ERBIN: variants seen among roughly 807,000 people sequenced by gnomAD.
ERBIN encodes the protein densin-180-like protein.
ERBIN carries 60 observed loss-of-function variants against 158.4 expected under a neutral mutation model. That is an observed-to-expected ratio of 0.38 (90% confidence interval 0.31 to 0.47). The LOEUF (loss-of-function observed/expected upper bound fraction) is 0.47, where lower values mean the gene tolerates loss of function less well. ERBIN is among the 20% of genes least tolerant of loss of function. ERBIN has a pLI of 0.99. For missense variants in ERBIN, 1,610 were observed against 1,648.0 expected (o/e 0.98, Z 0.40); for synonymous variants, 594 against 557.2 (o/e 1.07, Z -0.93).
At chr5:66,028,888 A>T (rs573074951) in intron 14 of ERBIN, among the ~76,000 whole-genome samples, 1 of 152,114 alleles carries the variant, frequency 6.6e-6, no homozygotes, top group Non-Finnish European at 1.5e-5. Flanking sequence ...AAGTGAAGAC[A>T]TGTGAAGTTT....
intron 1 of ERBIN, among the ~76,000 whole-genome samples, chr5:65,934,717 A>G (rs1334446815): frequency 6.6e-6 from 1 of 152,160 alleles, no homozygotes; most frequent in Non-Finnish European, 1.5e-5. Flanking sequence ...CCCTGTTTGT[A>G]ATTAACTAAT....
intron 1 of ERBIN, among the ~76,000 whole-genome samples, chr5:65,977,718 G>A (rs1425329976): frequency 3.3e-5 from 5 of 150,648 alleles, no homozygotes; most frequent in South Asian, 2.1e-4. Context: ...GACGATGGGC[G>A]GCCAGGCGGA....
At chr5:65,940,886 C>T (rs985955256) in intron 1 of ERBIN, among the ~76,000 whole-genome samples, 38 of 152,032 alleles carry the variant, frequency 2.5e-4, no homozygotes, top group African/African-American at 8.4e-4. Flanking sequence ...GGGGGAAAGG[C>T]GGGGAAAGGA....
chr5:66,059,523 C>T (rs1282433802), intron 21 of ERBIN, among the ~76,000 whole-genome samples: 1 of 152,136 alleles, frequency 6.6e-6, no homozygotes, highest in African/African-American at 2.4e-5. Flanking sequence ...ATTGAATACC[C>T]TTTATTTCCT....
Position 65,951,848 on chromosome 5 carries a change from T to C in ERBIN, c.-58+25042T>C, listed in dbSNP as rs138798489. Among the ~76,000 whole-genome samples the C allele has an allele frequency of 3.9e-3, 593 of 152,330 alleles. 2 individuals are homozygous for C. Among genetic ancestry groups the C allele is most frequent in the Non-Finnish European group, 5.7e-3 (390 of 68,026 alleles). On this transcript the variant is annotated intron_variant, in intron 1 of 25. Coordinates refer to ENST00000284037, the MANE Select transcript of ERBIN (RefSeq NM_001253697.2). ...CAAATGATGTTTTGCTGAAATTTAA[T>C]TGGAGGTTGTATCATGACTGATTCA...
intron 1 of ERBIN, among the ~76,000 whole-genome samples, chr5:65,954,667 A>T (rs1580141044): frequency 6.6e-6 from 1 of 152,110 alleles, no homozygotes; most frequent in African/African-American, 2.4e-5. Flanking sequence ...GTGATTATTT[A>T]TTGAGGTTGG....
chr5:65,960,654 C>T (rs1747803562), intron 1 of ERBIN, among the ~76,000 whole-genome samples: 1 of 152,178 alleles, frequency 6.6e-6, no homozygotes, highest in Non-Finnish European at 1.5e-5. Flanking sequence ...AACTGCTACT[C>T]ATGCAGATTG....
intron 4 of ERBIN, among the ~76,000 whole-genome samples, chr5:65,999,492 A>G (rs528808302): frequency 2.2e-4 from 34 of 152,358 alleles, no homozygotes; most frequent in African/African-American, 7.9e-4. Flanking sequence ...AATAACCACA[A>G]CATCATTATC....
chr5:66,061,080 G>C (rs1159401807), intron 21 of ERBIN, among the ~76,000 whole-genome samples: 1 of 152,174 alleles, frequency 6.6e-6, no homozygotes, highest in East Asian at 1.9e-4. Context: ...GCAGAGCTGA[G>C]TTGAGTTCCT....
At chr5:65,964,091 G>A (rs1561302950) in intron 1 of ERBIN, among the ~76,000 whole-genome samples, 1 of 152,124 alleles carries the variant, frequency 6.6e-6, no homozygotes, top group African/African-American at 2.4e-5. Context: ...GAGCCACTGC[G>A]CCTGGCCGGT....
chr5:66,055,020 A>C, intron 21 of ERBIN, 69 bp downstream of exon 21: 4 of 1,454,380 alleles, frequency 2.8e-6, no homozygotes, highest in Non-Finnish European at 3.6e-6. Flanking sequence ...ATGATGAAAC[A>C]AGATTCTCTG....
intron 1 of ERBIN, among the ~76,000 whole-genome samples, chr5:65,938,402 C>T (rs1371642847): frequency 2.1e-5 from 3 of 146,316 alleles, no homozygotes; most frequent in East Asian, 2.0e-4. Flanking sequence ...GACAGGGTCT[C>T]GCTCTGTCAC....
At chr5:66,016,408 T>C (rs913218779) in intron 7 of ERBIN, among the ~76,000 whole-genome samples, 4 of 152,228 alleles carry the variant, frequency 2.6e-5, no homozygotes, top group Admixed American at 1.3e-4. Flanking sequence ...TTTGCAAATA[T>C]TCTTTTCTCC....
intron 21 of ERBIN, among the ~76,000 whole-genome samples, chr5:66,063,974 T>A (rs1760735426): frequency 6.6e-6 from 1 of 152,200 alleles, no homozygotes; most frequent in Admixed American, 6.5e-5. Context: ...TCAGAAAATA[T>A]AGTTCAGAAG....
rs114634189 is a variant in ERBIN, at chr5:65,965,808, A to G, written c.-57-22827A>G. Among the ~76,000 whole-genome samples, 219 of 152,312 alleles carry G rather than the reference A, an allele frequency of 1.4e-3. 1 individual carries two copies. Among genetic ancestry groups the G allele is most frequent in the African/African-American group, 5.0e-3 (209 of 41,572 alleles). ...TTTTTAGTTCATGGCACATAACACAATCTGAATTTTCCTTATCATTTACTA... is the reference window on the plus strand; with the variant it reads ...TTTTTAGTTCATGGCACATAACACAGTCTGAATTTTCCTTATCATTTACTA... On this transcript the variant is annotated intron_variant, in intron 1 of 25. Coordinates refer to ENST00000284037, the MANE Select transcript of ERBIN (RefSeq NM_001253697.2).
At chr5:65,960,455 G>A (rs251299) in intron 1 of ERBIN, among the ~76,000 whole-genome samples, 152,160 of 152,336 alleles carry the variant, frequency 1, 75,997 homozygotes, top group Admixed American at 1. Context: ...TTCGCTATAC[G>A]TAAACTTTAC....
intron 1 of ERBIN, among the ~76,000 whole-genome samples, chr5:65,977,138 G>T (rs1749987791): frequency 6.8e-6 from 1 of 147,786 alleles, no homozygotes; most frequent in Admixed American, 6.7e-5. Flanking sequence ...GGCTGGCCGG[G>T]CGGGGGGCTG....
intron 21 of ERBIN, among the ~76,000 whole-genome samples, chr5:66,059,132 T>A (rs1759963044): frequency 6.6e-6 from 1 of 152,210 alleles, no homozygotes; most frequent in African/African-American, 2.4e-5. Context: ...TTGGGCAGTA[T>A]GGCCATTTTC....
chr5:65,932,337 CAAA>C (rs1040732361), intron 1 of ERBIN, among the ~76,000 whole-genome samples: 5 of 54,650 alleles, frequency 9.1e-5, no homozygotes, highest in African/African-American at 6.0e-5. Context: ...GACTCCGTCT[CAAA>C]AAAAAAAAAA....
Sources: gnomAD v4.1 joint callset for allele counts (sites outside exome capture counted in the v4.1 genomes callset) on GRCh38, gnomAD v4.1.1 for gene constraint, MANE v1.5 for transcripts, NCBI Gene and HGNC (gene_info 2026-07-23, HGNC 2026-07-21) for gene names.